WDPCP: variants seen among roughly 807,000 people sequenced by gnomAD.
The protein encoded by WDPCP is WD repeat containing planar cell polarity effector.
Under a neutral mutation model 93.1 loss-of-function variants are expected in WDPCP, and 71 were observed. The ratio of observed to expected loss-of-function variants is 0.76; its 90% CI spans 0.63 to 0.93. The LOEUF is 0.93. Among genes scored for constraint, WDPCP ranks in the 40% least tolerant of loss-of-function variants. WDPCP has a pLI of 0.00. For missense variants in WDPCP, 844 were observed against 887.4 expected (o/e 0.95, Z 0.62); for synonymous variants, 315 against 315.0 (o/e 1.00, Z 0.00).
intron 13 of WDPCP, among the ~76,000 whole-genome samples, chr2:63,296,210 C>CAAAA (rs70965117): frequency 2.1e-5 from 3 of 141,462 alleles, no homozygotes; most frequent in East Asian, 2.0e-4. Flanking sequence ...TCAGTAGATG[C>CAAAA]AAAAAAAAAA....
At chr2:63,348,014 T>C (rs1416606098) in intron 12 of WDPCP, among the ~76,000 whole-genome samples, 1 of 152,204 alleles carries the variant, frequency 6.6e-6, no homozygotes, top group African/African-American at 2.4e-5. Context: ...GAAAAACTAA[T>C]GACATTAGTC....
intron 10 of WDPCP, among the ~76,000 whole-genome samples, chr2:63,392,898 T>G (rs1693398554): frequency 6.6e-6 from 1 of 152,040 alleles, no homozygotes; most frequent in Non-Finnish European, 1.5e-5. Context: ...ACAGATGCTG[T>G]GGAGGATGTG....
chr2:63,488,254 T>C (rs1023079737), intron 2 of WDPCP, among the ~76,000 whole-genome samples: 29 of 152,060 alleles, frequency 1.9e-4, no homozygotes, highest in African/African-American at 6.5e-4. Flanking sequence ...GTTACTAACA[T>C]AAGGATAAAG....
At chr2:63,156,728 A>G (rs1672281007) in intron 15 of WDPCP, among the ~76,000 whole-genome samples, 1 of 152,014 alleles carries the variant, frequency 6.6e-6, no homozygotes, top group Admixed American at 6.6e-5. Flanking sequence ...ACAGAGCGAG[A>G]CTCTGTCTCA....
intron 2 of WDPCP, among the ~76,000 whole-genome samples, chr2:63,722,698 G>A (rs1185557324): frequency 4.8e-5 from 7 of 147,266 alleles, no homozygotes; most frequent in Non-Finnish European, 7.5e-5. Flanking sequence ...CGCCCCGTCC[G>A]GGAGGTGAGG....
intron 13 of WDPCP, among the ~76,000 whole-genome samples, chr2:63,285,846 A>G (rs1559283133): frequency 6.6e-6 from 1 of 152,260 alleles, no homozygotes; most frequent in Non-Finnish European, 1.5e-5. Context: ...GAGAACAAAC[A>G]GAAAGTCAGT....
intron 3 of WDPCP, among the ~76,000 whole-genome samples, chr2:63,612,705 T>C (rs546880436): frequency 3.2e-4 from 49 of 152,322 alleles, no homozygotes; most frequent in Non-Finnish European, 6.3e-4. Context: ...GAAGATGCTA[T>C]ATAAACTCAA....
chr2:63,530,376 G>A (rs1368797699), intron 1 of WDPCP, among the ~76,000 whole-genome samples: 4 of 152,184 alleles, frequency 2.6e-5, no homozygotes, highest in Non-Finnish European at 4.4e-5. Context: ...CTTTAAATGT[G>A]TCCCAGAGAT....
At chr2:63,660,383 G>T (rs766296894) in intron 2 of WDPCP, among the ~76,000 whole-genome samples, 2 of 152,120 alleles carry the variant, frequency 1.3e-5, no homozygotes, top group African/African-American at 2.4e-5. Flanking sequence ...CTCTGATAAG[G>T]CTTGCTTGAA....
intron 3 of WDPCP, among the ~76,000 whole-genome samples, chr2:63,650,004 G>A (rs1710092126): frequency 6.6e-6 from 1 of 152,352 alleles, no homozygotes; most frequent in South Asian, 2.1e-4. Flanking sequence ...GAGAAGACCA[G>A]TTGATGTGTT....
At chr2:63,799,598 T>A (rs1045904189) in intron 2 of WDPCP, among the ~76,000 whole-genome samples, 1 of 152,194 alleles carries the variant, frequency 6.6e-6, no homozygotes, top group Non-Finnish European at 1.5e-5. Context: ...TCTGCAAACA[T>A]TTCTGTAAAG....
chr2:63,688,704 G>C (rs1487502631), intron 2 of WDPCP, among the ~76,000 whole-genome samples: 1 of 152,012 alleles, frequency 6.6e-6, no homozygotes, highest in Non-Finnish European at 1.5e-5. Flanking sequence ...AGGATTATTA[G>C]GCATTGCATG....
At chr2:63,319,515 T>C (rs1686925419) in intron 12 of WDPCP, among the ~76,000 whole-genome samples, 1 of 152,196 alleles carries the variant, frequency 6.6e-6, no homozygotes, top group Non-Finnish European at 1.5e-5. Flanking sequence ...TTAAACAACA[T>C]AATTACAAAG....
intron 3 of WDPCP, among the ~76,000 whole-genome samples, chr2:63,618,181 A>C (rs1213833931): frequency 6.6e-6 from 1 of 152,196 alleles, no homozygotes; most frequent in African/African-American, 2.4e-5. Context: ...CTCAAATATC[A>C]ACGCCCTGTT....
At chr2:63,751,102 T>C (rs1013997974) in intron 2 of WDPCP, among the ~76,000 whole-genome samples, 5 of 152,188 alleles carry the variant, frequency 3.3e-5, no homozygotes, top group Admixed American at 1.3e-4. Context: ...AGATTTACAC[T>C]GTGGAATTTT....
chr2:63,265,652 A>C (rs1267636306), intron 13 of WDPCP, among the ~76,000 whole-genome samples: 1 of 152,190 alleles, frequency 6.6e-6, no homozygotes, highest in African/African-American at 2.4e-5. Flanking sequence ...CGTACTTCCA[A>C]ACTCACTGTG....
At chr2:63,380,843 A>C (rs1363129794) in intron 11 of WDPCP, among the ~76,000 whole-genome samples, 1 of 152,176 alleles carries the variant, frequency 6.6e-6, no homozygotes, top group East Asian at 1.9e-4. Context: ...GCCAAGACCC[A>C]CGATACAGAC....
intron 9 of WDPCP, among the ~76,000 whole-genome samples, chr2:63,418,654 C>G (rs1695608230): frequency 6.6e-6 from 1 of 152,050 alleles, no homozygotes; most frequent in East Asian, 1.9e-4. Flanking sequence ...AAAGAGAATG[C>G]CTGTGATAAC....
At chr2:63,746,484 G>C (rs1011926230) in intron 2 of WDPCP, among the ~76,000 whole-genome samples, 1 of 152,132 alleles carries the variant, frequency 6.6e-6, no homozygotes, top group Non-Finnish European at 1.5e-5. Flanking sequence ...GGCTGGGCAG[G>C]ACAGAGCCAT....
Sources: gnomAD v4.1 joint callset for allele counts (sites outside exome capture counted in the v4.1 genomes callset) on GRCh38, gnomAD v4.1.1 for gene constraint, MANE v1.5 for transcripts, NCBI Gene and HGNC (gene_info 2026-07-23, HGNC 2026-07-21) for gene names.